The following ULK2 variants were observed in gnomAD, a reference collection of about 807,000 sequenced individuals.
ULK2 encodes the protein unc-51 like autophagy activating kinase 2.
In ULK2, 76 loss-of-function variants were observed where a neutral mutation model predicts 127.5. The observed-to-expected ratio is 0.60, with a 90% CI of 0.50 to 0.72. The LOEUF is 0.72. Ranked by LOEUF, ULK2 falls within the 30% of genes least tolerant of loss-of-function variation. The pLI, the probability that ULK2 is intolerant of heterozygous loss-of-function variation, is 0.00. For synonymous variants in ULK2, 452 were observed against 461.9 expected (o/e 0.98, Z 0.28); for missense variants, 1,144 against 1,295.9 (o/e 0.88, Z 1.80).
intron 3 of ULK2, among the ~76,000 whole-genome samples, chr17:19,864,389 C>G (rs911193733): frequency 6.6e-6 from 1 of 151,810 alleles, no homozygotes; most frequent in African/African-American, 2.4e-5. Flanking sequence ...GCAGGAGAAT[C>G]GCTTAAACCC....
At chr17:19,861,969 C>T (rs949539076) in intron 3 of ULK2, among the ~76,000 whole-genome samples, 2 of 152,190 alleles carry the variant, frequency 1.3e-5, no homozygotes, top group African/African-American at 4.8e-5. Context: ...AATTTTAACA[C>T]TGTGCATGCT....
intron 25 of ULK2, among the ~76,000 whole-genome samples, chr17:19,778,384 CAGG>C (rs2086851805): frequency 6.6e-6 from 1 of 152,104 alleles, no homozygotes; most frequent in African/African-American, 2.4e-5. Flanking sequence ...GGGAAGCTTC[CAGG>C]AGGTGCTGTT....
intron 14 of ULK2, among the ~76,000 whole-genome samples, chr17:19,808,294 G>A (rs1157352626): frequency 6.6e-6 from 1 of 152,076 alleles, no homozygotes; most frequent in Non-Finnish European, 1.5e-5. Flanking sequence ...GGGATTAAAG[G>A]CCTGAACATT....
intron 7 of ULK2, among the ~76,000 whole-genome samples, 176 bp from the exon 8 acceptor site, chr17:19,843,398 T>G (rs780100659): frequency 4.7e-4 from 71 of 152,216 alleles, no homozygotes; most frequent in Non-Finnish European, 8.2e-4. Context: ...TATTATATAT[T>G]GAGATTTACT....
chr17:19,841,354 A>G (rs530474961), intron 9 of ULK2, 135 bp downstream of exon 9: 1 of 851,896 alleles, frequency 1.2e-6, no homozygotes, highest in Non-Finnish European at 1.8e-6. Flanking sequence ...GCAATTTTCT[A>G]ATTTGTTGTA....
At chr17:19,866,131 G>A (rs1451011813) in intron 1 of ULK2, among the ~76,000 whole-genome samples, 1 of 152,170 alleles carries the variant, frequency 6.6e-6, no homozygotes, top group African/African-American at 2.4e-5. Context: ...AGGTGATACA[G>A]TTAATTGAAA....
chr17:19,818,787 TTTC>T lies in ULK2; in HGVS notation c.925-1870_925-1868del, dbSNP rs150653222. On this transcript the variant is annotated intron_variant, in intron 12 of 26. Transcript: ENST00000395544. ...AAATTATCATCTCTTCTTCATTTCT[TTTC>T]TTTTTTCTTTTTTTTTTTTTTTTTT... Among the ~76,000 whole-genome samples, 975 of 134,640 alleles carry T rather than the reference TTTC, an allele frequency of 7.2e-3. 13 individuals carry two copies. Among genetic ancestry groups the T allele is most frequent in the African/African-American group, 0.025 (910 of 35,926 alleles). 88.3% of individuals were successfully genotyped at this position (134,640 alleles called of 152,430 possible). A position where few individuals can be genotyped will look rare whatever the true frequency, so the allele number is the denominator to read the frequency against.
intron 20 of ULK2, among the ~76,000 whole-genome samples, chr17:19,790,355 T>G (rs2087125519): frequency 6.6e-6 from 1 of 152,146 alleles, no homozygotes; most frequent in Non-Finnish European, 1.5e-5. Flanking sequence ...AAGCAGAGGT[T>G]ACAGTGAGCC....
chr17:19,821,231 C>T (rs750222922), intron 12 of ULK2, among the ~76,000 whole-genome samples: 25 of 152,082 alleles, frequency 1.6e-4, no homozygotes, highest in Non-Finnish European at 3.1e-4. Flanking sequence ...CACTTGAACG[C>T]GGGAGGCAGA....
intron 18 of ULK2, among the ~76,000 whole-genome samples, chr17:19,796,972 C>A (rs910454627): frequency 6.6e-6 from 1 of 152,210 alleles, no homozygotes; most frequent in African/African-American, 2.4e-5. Flanking sequence ...TACGCTGCAT[C>A]TGGTACACAG....
chr17:19,845,394 A>G lies in ULK2; in HGVS notation c.470-17T>C, dbSNP rs1271139490. ...CAAAATCCGCTATTTCACAAAACAG[A>G]AAGTAGAAAAGCAAATTACGTCTTC... On this transcript the variant is annotated splice_polypyrimidine_tract_variant and intron_variant, in intron 6 of 26. Coordinates refer to ENST00000395544, the MANE Select transcript of ULK2 (RefSeq NM_014683.4). The G allele has an allele frequency of 1.9e-6, 3 of 1,600,916 alleles. No homozygotes were observed. Among genetic ancestry groups the G allele is most frequent in the Non-Finnish European group, 2.6e-6 (3 of 1,168,120 alleles).
At position 19,777,702 on chromosome 17, in the gene ULK2, G is replaced by A. The variant is rs2086838217; in HGVS notation, c.2931C>T (p.Ala977=). 4 of 1,609,796 alleles carry A rather than the reference G, an allele frequency of 2.5e-6. No homozygotes were observed. The highest frequency in any genetic ancestry group is 3.4e-6 in the Non-Finnish European group (4 of 1,178,990). Residue 977 remains alanine (A), a synonymous_variant, in exon 26 of 27, where the codon GCC becomes GCT. Coordinates refer to ENST00000395544, the MANE Select transcript of ULK2 (RefSeq NM_014683.4). ...CGGTCTGCTGAAACATCTCATCCAG[G>A]GCTGCAGACTGAACCTGGAACCAGT... ...NCAVEMVQSA[A]LDEMFQQTED... is the part of the protein sequence containing the mutation.
chr17:19,834,763 A>G (rs1232312997), intron 10 of ULK2, among the ~76,000 whole-genome samples: 2 of 152,070 alleles, frequency 1.3e-5, no homozygotes, highest in Admixed American at 6.6e-5. Flanking sequence ...TTTAAAAATT[A>G]GCTGGGCATG....
intron 15 of ULK2, among the ~76,000 whole-genome samples, chr17:19,803,567 T>C (rs1301219109): frequency 3.3e-5 from 5 of 152,242 alleles, no homozygotes; most frequent in African/African-American, 9.6e-5. Context: ...AGACTAAACT[T>C]TGAGAACCAC....
chr17:19,859,088 G>C (rs547079498), intron 3 of ULK2, among the ~76,000 whole-genome samples: 1 of 152,208 alleles, frequency 6.6e-6, no homozygotes, highest in African/African-American at 2.4e-5. Flanking sequence ...CCAGCAGTTC[G>C]AGACCAGCCT....
chr17:19,850,687 T>G (rs908628320), intron 3 of ULK2, among the ~76,000 whole-genome samples: 14 of 151,840 alleles, frequency 9.2e-5, no homozygotes, highest in African/African-American at 3.1e-4. Context: ...TAGCCGGGCG[T>G]GGTGGCGGGC....
At chr17:19,843,050 T>A in intron 8 of ULK2, 71 bp downstream of exon 8, 1 of 1,266,596 alleles carries the variant, frequency 7.9e-7, no homozygotes, top group Non-Finnish European at 1.2e-6. Context: ...TATTCTTCAT[T>A]TTACAAATCA....
At chr17:19,852,044 C>CAAAAAAA (rs201031615) in intron 3 of ULK2, among the ~76,000 whole-genome samples, 21 of 49,062 alleles carry the variant, frequency 4.3e-4, no homozygotes, top group East Asian at 1.4e-3. Context: ...GACTCCATCT[C>CAAAAAAA]AAAAAAAAAA....
intron 3 of ULK2, among the ~76,000 whole-genome samples, chr17:19,856,527 A>C (rs1489404558): frequency 6.6e-6 from 1 of 151,756 alleles, no homozygotes; most frequent in Non-Finnish European, 1.5e-5. Context: ...GCTTGCAGTG[A>C]GCCGAGATCG....
Sources: gnomAD v4.1 joint callset for allele counts (sites outside exome capture counted in the v4.1 genomes callset) on GRCh38, gnomAD v4.1.1 for gene constraint, MANE v1.5 for transcripts, NCBI Gene and HGNC (gene_info 2026-07-23, HGNC 2026-07-21) for gene names.